SNX31: variants seen among roughly 807,000 people sequenced by gnomAD.
The protein encoded by SNX31 is sorting nexin 31.
A neutral mutation model predicts 65.4 loss-of-function variants in SNX31; 58 were observed. The ratio of observed to expected loss-of-function variants is 0.89; its 90% confidence interval spans 0.72 to 1.10. The LOEUF is 1.10. Ranked by LOEUF, SNX31 falls within the 50% of genes least tolerant of loss-of-function variation. The pLI is 0.00. For missense variants in SNX31, 523 were observed against 529.7 expected (o/e 0.99, Z 0.12); for synonymous variants, 181 against 190.1 (o/e 0.95, Z 0.39).
intron 13 of SNX31, among the ~76,000 whole-genome samples, chr8:100,574,270 A>T (rs565697594): frequency 6.6e-6 from 1 of 152,338 alleles, no homozygotes; most frequent in Admixed American, 6.5e-5. Context: ...TCTTAAAGCC[A>T]TGCGACTTTC....
At chr8:100,597,090 G>A (rs1267101004) in intron 9 of SNX31, among the ~76,000 whole-genome samples, 1 of 152,126 alleles carries the variant, frequency 6.6e-6, no homozygotes, top group Admixed American at 6.5e-5. Context: ...TTTCACCACT[G>A]TGTCCCTGCC....
Position 100,588,769 on chromosome 8 carries a change from T to C in SNX31, c.1092+97A>G. The C allele has an allele frequency of 1.3e-6, 1 of 785,230 alleles. No individual in the cohort carries two copies. Among genetic ancestry groups the C allele is most frequent in the African/African-American group, 1.7e-5 (1 of 57,874 alleles). 48.6% of individuals were successfully genotyped at this position (785,230 alleles called of 1,614,324 possible). ...GAGTGCATAGAACACTTTAGGGTCC[T>C]GCTCTAGTTGGGTTAGGGTCATGTG... On this transcript the variant is annotated intron_variant, in intron 11 of 13. Transcript: ENST00000311812. This position sits in a 1 kb window ranked among gnomAD's most constrained non-coding sequence, Gnocchi z 4.8.
intron 8 of SNX31, among the ~76,000 whole-genome samples, chr8:100,606,459 A>G (rs1816170006): frequency 6.6e-6 from 1 of 152,234 alleles, no homozygotes; most frequent in South Asian, 2.1e-4. Context: ...CCCTCTTAGA[A>G]TTTAGAAGAG....
intron 7 of SNX31, 53 bp from the exon 8 acceptor site, chr8:100,608,616 A>G (rs1816410726): frequency 4.4e-6 from 7 of 1,575,148 alleles, no homozygotes; most frequent in Middle Eastern, 1.7e-4. Context: ...CCATGGGCAC[A>G]CCTGGCAAGT....
chr8:100,649,470 G>A lies in SNX31; in HGVS notation c.45C>T (p.Asp15=). ...FCIPVSQQRS[D]ALGGRYVLYS... The stretch of plus-strand genomic sequence containing the variant: ...GCACCACGTAGCGGCCCCCCAGCGC[G>A]TCGGACCGCTGCTGGGACACCGGGA... The change falls in exon 1 of 14, where the codon GAC becomes GAT. Residue 15 remains aspartate, a synonymous_variant. Coordinates refer to ENST00000311812, the MANE Select transcript of SNX31 (RefSeq NM_152628.4). The A allele has an allele frequency of 6.4e-7, 1 of 1,555,648 alleles. No homozygotes were observed. Among genetic ancestry groups the A allele is most frequent in the African/African-American group, 1.4e-5 (1 of 73,210 alleles).
intron 4 of SNX31, among the ~76,000 whole-genome samples, chr8:100,621,075 T>C (rs1422863611): frequency 1.3e-5 from 2 of 151,512 alleles, no homozygotes; most frequent in Non-Finnish European, 2.9e-5. Context: ...ACCCGGGAGG[T>C]GGAGGTTGCA....
chr8:100,656,081 C>G (rs1178924279), intron 1 of SNX31, among the ~76,000 whole-genome samples: 2 of 152,166 alleles, frequency 1.3e-5, no homozygotes, highest in African/African-American at 4.8e-5. Context: ...TCTGAGATAT[C>G]TGCAGCAAGG....
At chr8:100,652,214 A>G (rs1168458021), upstream of SNX31, among the ~76,000 whole-genome samples, 16 of 152,002 alleles carry the variant, frequency 1.1e-4, no homozygotes, top group Admixed American at 1.0e-3. Context: ...TCCTGACCTC[A>G]TGATCTACCC....
At chr8:100,606,453 CTT>C (rs1202216686) in intron 8 of SNX31, among the ~76,000 whole-genome samples, 1 of 152,204 alleles carries the variant, frequency 6.6e-6, no homozygotes, top group African/African-American at 2.4e-5. Context: ...GATTTGCCCT[CTT>C]AGAATTTAGA....
chr8:100,622,582 C>G lies in SNX31; in HGVS notation c.322-4852G>C, dbSNP rs1345636617. The stretch of plus-strand genomic sequence containing the variant: ...AGGAGAATCACTTGAACCCAGGAGG[C>G]GGAGGTTGCAGTGAACTGAGATTGC... On this transcript the variant is annotated intron_variant, in intron 4 of 13. Transcript: ENST00000311812. The surrounding 1 kb of genome is among the most constrained non-coding windows in gnomAD (Gnocchi z 5.0). Among the ~76,000 whole-genome samples the G allele has an allele frequency of 6.6e-6, 1 of 151,772 alleles. No individual in the cohort carries two copies. Among genetic ancestry groups the G allele is most frequent in the African/African-American group, 2.4e-5 (1 of 41,300 alleles).
At chr8:100,574,107 T>C in intron 13 of SNX31, 147 bp from the exon 14 acceptor site, 1 of 518,264 alleles carries the variant, frequency 1.9e-6, no homozygotes. Context: ...ACAGTTTTAT[T>C]CTGTAGAAGC....
At chr8:100,615,220 T>G (rs1294558170) in intron 5 of SNX31, among the ~76,000 whole-genome samples, 1 of 152,136 alleles carries the variant, frequency 6.6e-6, no homozygotes, top group East Asian at 1.9e-4. Context: ...AGGAAGCACA[T>G]TTTTCTGACT....
intron 1 of SNX31, chr8:100,657,731 A>C: frequency 2.2e-6 from 1 of 455,686 alleles, no homozygotes; most frequent in Middle Eastern, 3.3e-4. Flanking sequence ...CACCTGGTGA[A>C]GGTCCAGAGG....
rs979552135 is a variant in SNX31 at position 100,626,585 on chromosome 8, A to G, written c.321+3742T>C. On this transcript the variant is annotated intron_variant, in intron 4 of 13. Transcript: ENST00000311812. The surrounding 1 kb of genome is among the most constrained non-coding windows in gnomAD (Gnocchi z 4.4). ...AAATACAACAGATTCGATGAATTCA[A>G]CTCAGGCCCCCTCCCCAGTACTATG... 6.6e-6 allele frequency among the ~76,000 whole-genome samples: 1 copy of G among 152,194 alleles called. No homozygotes were observed. Among genetic ancestry groups the G allele is most frequent in the Non-Finnish European group, 1.5e-5 (1 of 68,040 alleles).
At chr8:100,631,753 C>A (rs768825625) in intron 3 of SNX31, among the ~76,000 whole-genome samples, 4 of 152,120 alleles carry the variant, frequency 2.6e-5, no homozygotes, top group Non-Finnish European at 2.9e-5. Context: ...TTATAAAAAG[C>A]ATTCTGTCTT....
chr8:100,608,576 G>C lies in SNX31; in HGVS notation c.612-13C>G, dbSNP rs144865978. ...TGGAGCCATATACCTGCAAAATTCA[G>C]GAGTGTGAAATTCATTCCTGTGACA... is the stretch of plus-strand genomic sequence containing the variant. On this transcript the variant is annotated splice_polypyrimidine_tract_variant and intron_variant, in intron 7 of 13. Transcript: ENST00000311812. 1 of 1,613,466 alleles carries C rather than the reference G, an allele frequency of 6.2e-7. No homozygotes were observed. The highest frequency in any genetic ancestry group is 1.3e-5 in the African/African-American group (1 of 75,002).
intron 4 of SNX31, among the ~76,000 whole-genome samples, chr8:100,624,555 T>C (rs1817918986): frequency 6.6e-6 from 1 of 152,186 alleles, no homozygotes; most frequent in Non-Finnish European, 1.5e-5. Context: ...AAGAGGAGAA[T>C]TGATGGCATC....
At chr8:100,583,277 C>T (rs563390991) in intron 12 of SNX31, among the ~76,000 whole-genome samples, 4 of 151,686 alleles carry the variant, frequency 2.6e-5, no homozygotes, top group South Asian at 2.1e-4. Flanking sequence ...CAGTTAATTT[C>T]GTATATTTAG....
chr8:100,620,227 C>T (rs1817587490), intron 4 of SNX31, among the ~76,000 whole-genome samples: 1 of 152,146 alleles, frequency 6.6e-6, no homozygotes, highest in Non-Finnish European at 1.5e-5. Context: ...AGTTGGGGCT[C>T]AGGTCAGCTG....
Sources: allele counts gnomAD v4.1 joint callset (sites outside exome capture counted in the v4.1 genomes callset), GRCh38; gene constraint gnomAD v4.1.1; non-coding constraint Gnocchi (gnomAD v3.1); transcripts MANE v1.5; gene names NCBI Gene and HGNC (gene_info 2026-07-23, HGNC 2026-07-21).